Variants in KIRREL3 observed in about 807,000 individuals in gnomAD.
The protein encoded by KIRREL3 is kirre like nephrin family adhesion molecule 3.
In KIRREL3, 36 loss-of-function variants were observed where a neutral mutation model predicts 89.7. That is an observed-to-expected ratio of 0.40 (90% confidence interval 0.31 to 0.53). The LOEUF (loss-of-function observed/expected upper bound fraction) is 0.53. Ranked by LOEUF, KIRREL3 falls within the 20% of genes least tolerant of loss-of-function variation. The probability of loss-of-function intolerance (pLI) is 0.49; values close to 1 mark genes in which losing one functional copy is unlikely to be tolerated. For synonymous variants in KIRREL3, 445 were observed against 441.4 expected (o/e 1.01, Z -0.10); for missense variants, 864 against 1,056.6 (o/e 0.82, Z 2.53).
Position 126,771,771 on chromosome 11 carries a change from C to T in KIRREL3, c.56-208859G>A, listed in dbSNP as rs1007149855. ...TCAACCAACATCTTTATTAAAAAAA[C>T]GTTTTCATGTGAAGCCACAGATTTG... On this transcript the variant is annotated intron_variant, in intron 1 of 16. Coordinates refer to ENST00000525144, the MANE Select transcript of KIRREL3 (RefSeq NM_032531.4). This position sits in a 1 kb window ranked among gnomAD's most constrained non-coding sequence, Gnocchi z 4.4. Among the ~76,000 whole-genome samples, 8 of 152,154 alleles carry T rather than the reference C, an allele frequency of 5.3e-5. No homozygotes were observed. Among genetic ancestry groups the T allele is most frequent in the African/African-American group, 1.7e-4 (7 of 41,440 alleles).
In KIRREL3 at chr11:126,987,796, C is replaced by T. The variant is rs980233439; in HGVS notation, c.55+12659G>A. On this transcript the variant is annotated intron_variant, in intron 1 of 16. Coordinates refer to ENST00000525144, the MANE Select transcript of KIRREL3 (RefSeq NM_032531.4). This position sits in a 1 kb window ranked among gnomAD's most constrained non-coding sequence, Gnocchi z 4.6. ...AGCTTTGAAAACGTCAAAGAACTTTCATGTTTTGCTAGTTTATCATAAGTG... is the reference window on the plus strand; with the variant it reads ...AGCTTTGAAAACGTCAAAGAACTTTTATGTTTTGCTAGTTTATCATAAGTG... 6.6e-6 allele frequency among the ~76,000 whole-genome samples: 1 copy of T among 152,206 alleles called. No individual in the cohort carries two copies. Among genetic ancestry groups the T allele is most frequent in the Admixed American group, 6.5e-5 (1 of 15,282 alleles).
intron 1 of KIRREL3, among the ~76,000 whole-genome samples, chr11:126,617,396 T>A (rs1466600483): frequency 2.0e-5 from 3 of 152,220 alleles, no homozygotes; most frequent in Non-Finnish European, 2.9e-5. Context: ...AGGTCATGGG[T>A]AAACTGATAA....
intron 1 of KIRREL3, among the ~76,000 whole-genome samples, chr11:126,937,754 C>T (rs989034078): frequency 2.0e-5 from 3 of 152,120 alleles, no homozygotes; most frequent in African/African-American, 7.2e-5. Flanking sequence ...AAAAAATCAG[C>T]CGGGCGTGGT....
intron 1 of KIRREL3, among the ~76,000 whole-genome samples, chr11:126,733,960 G>T (rs538319677): frequency 6.6e-6 from 1 of 152,336 alleles, no homozygotes; most frequent in African/African-American, 2.4e-5. Flanking sequence ...CCTGCTGCAG[G>T]CACAGAGTGA....
chr11:126,819,205 C>T (rs1879450), intron 1 of KIRREL3, among the ~76,000 whole-genome samples: 40,249 of 151,948 alleles, frequency 0.26, 5,441 homozygotes, highest in Admixed American at 0.32. Context: ...CCTGAGGCGA[C>T]GGTCCGGTCA....
rs374901418 is a variant in KIRREL3, at chr11:126,961,322, G to A, written c.55+39133C>T. Among the ~76,000 whole-genome samples, 4 of 152,256 alleles carry A rather than the reference G, an allele frequency of 2.6e-5. No homozygotes were observed. The East Asian group carries it at 5.8e-4, about 22-fold the overall frequency. On this transcript the variant is annotated intron_variant, in intron 1 of 16. Transcript: ENST00000525144. ...TAGTCAGCCAAGTTGTGAATGCAATGGAAAAGCTCTTGAAGTAAATTAAAA... is the reference window on the plus strand; with the variant it reads ...TAGTCAGCCAAGTTGTGAATGCAATAGAAAAGCTCTTGAAGTAAATTAAAA...
chr11:126,585,268 C>G (rs1377734014), intron 1 of KIRREL3, among the ~76,000 whole-genome samples: 3 of 129,564 alleles, frequency 2.3e-5, no homozygotes, highest in African/African-American at 9.4e-5. Context: ...CTCTGTTAGC[C>G]AGGCTGGGGT....
At position 126,491,294 on chromosome 11, in the gene KIRREL3, T is replaced by G. The variant is rs756503693; in HGVS notation, c.434-17828A>C. Among the ~76,000 whole-genome samples, 1 of 152,190 alleles carries G rather than the reference T, an allele frequency of 6.6e-6. No homozygotes were observed. Among genetic ancestry groups the G allele is most frequent in the African/African-American group, 2.4e-5 (1 of 41,446 alleles). On this transcript the variant is annotated intron_variant, in intron 4 of 16. Coordinates refer to ENST00000525144, the MANE Select transcript of KIRREL3 (RefSeq NM_032531.4). This position sits in a 1 kb window ranked among gnomAD's most constrained non-coding sequence, Gnocchi z 5.5. ...CTGAAACTCTGCTCAGGTGTCCGAATGTAATGTGAGCCCAAGGAGGGCGGG... is the reference window on the plus strand; with the variant it reads ...CTGAAACTCTGCTCAGGTGTCCGAAGGTAATGTGAGCCCAAGGAGGGCGGG...
rs1318893178 is a variant in KIRREL3 at position 126,568,538 on chromosome 11, A to G, written c.56-5626T>C. ...GACAGTGCCTGAGATCATCTGGAGG[A>G]GACACCAGCTGGGTTTGGTTGGACT... On this transcript the variant is annotated intron_variant, in intron 1 of 16. Coordinates refer to ENST00000525144, the MANE Select transcript of KIRREL3 (RefSeq NM_032531.4). This position sits in a 1 kb window ranked among gnomAD's most constrained non-coding sequence, Gnocchi z 4.6. 1.3e-5 allele frequency among the ~76,000 whole-genome samples: 2 copies of G among 152,150 alleles called. No individual in the cohort carries two copies. The highest frequency in any genetic ancestry group is 2.9e-5 in the Non-Finnish European group (2 of 68,024).
In KIRREL3 at chr11:126,623,085, C is replaced by G. The variant is rs986226495; in HGVS notation, c.56-60173G>C. 2.0e-5 allele frequency among the ~76,000 whole-genome samples: 3 copies of G among 152,164 alleles called. No individual in the cohort carries two copies. The highest frequency in any genetic ancestry group is 4.4e-5 in the Non-Finnish European group (3 of 68,032). ...TTACAAAGCGTTATCCACTAGTTAT[C>G]TCACTGATTTTCCCAAGAGACTTTG... On this transcript the variant is annotated intron_variant, in intron 1 of 16. Coordinates refer to ENST00000525144, the MANE Select transcript of KIRREL3 (RefSeq NM_032531.4). The surrounding 1 kb of genome is among the most constrained non-coding windows in gnomAD (Gnocchi z 4.1).
At chr11:126,500,475 C>G (rs1191048948) in intron 4 of KIRREL3, among the ~76,000 whole-genome samples, 1 of 152,200 alleles carries the variant, frequency 6.6e-6, no homozygotes, top group Non-Finnish European at 1.5e-5. Flanking sequence ...CACAGTGGCT[C>G]ATGCCTGTAA....
At position 126,697,497 on chromosome 11, in the gene KIRREL3, G is replaced by A. The variant is rs1162672191; in HGVS notation, c.56-134585C>T. ...GCTGGTTCTACTCTACCTTTCCAGG[G>A]CTAAGTCCTACGACTGTGACACAAC... On this transcript the variant is annotated intron_variant, in intron 1 of 16. Transcript: ENST00000525144. The surrounding 1 kb of genome is among the most constrained non-coding windows in gnomAD (Gnocchi z 4.2). Among the ~76,000 whole-genome samples the A allele has an allele frequency of 6.6e-6, 1 of 152,220 alleles. No homozygotes were observed. The highest frequency in any genetic ancestry group is 2.4e-5 in the African/African-American group (1 of 41,456).
In KIRREL3 at chr11:126,607,218, C is replaced by A. The variant is rs1942926840; in HGVS notation, c.56-44306G>T. On this transcript the variant is annotated intron_variant, in intron 1 of 16. Transcript: ENST00000525144. The surrounding 1 kb of genome is among the most constrained non-coding windows in gnomAD (Gnocchi z 6.6). ...TAAACCCAGGGAAACGATGGAGTAG[C>A]TGAGCCGAGATTGGCTCACCTCCTT... Among the ~76,000 whole-genome samples, 1 of 152,198 alleles carries A rather than the reference C, an allele frequency of 6.6e-6. No homozygotes were observed. Among genetic ancestry groups the A allele is most frequent in the Admixed American group, 6.5e-5 (1 of 15,282 alleles).
rs1944942813 is a variant in KIRREL3 at position 126,652,417 on chromosome 11, T to C, written c.56-89505A>G. Among the ~76,000 whole-genome samples the C allele has an allele frequency of 2.0e-5, 3 of 152,210 alleles. No homozygotes were observed. The highest frequency in any genetic ancestry group is 4.8e-5 in the African/African-American group (2 of 41,464). ...ATCGTGGTAGGAACAAGAGCTACCATGCCTTGAGCCCATTCTAAATGGTAG... is the reference window on the plus strand; with the variant it reads ...ATCGTGGTAGGAACAAGAGCTACCACGCCTTGAGCCCATTCTAAATGGTAG... On this transcript the variant is annotated intron_variant, in intron 1 of 16. Coordinates refer to ENST00000525144, the MANE Select transcript of KIRREL3 (RefSeq NM_032531.4). This position sits in a 1 kb window ranked among gnomAD's most constrained non-coding sequence, Gnocchi z 4.9.
intron 13 of KIRREL3, among the ~76,000 whole-genome samples, chr11:126,434,975 A>G (rs1955262634): frequency 6.6e-6 from 1 of 152,082 alleles, no homozygotes; most frequent in South Asian, 2.1e-4. Flanking sequence ...GGGCTCCTGA[A>G]GAGAAAGGAT....
rs957039022 is a variant in KIRREL3, at chr11:126,601,132, C to G, written c.56-38220G>C. ...CAAAGCACAGAGCAATCTTTCCAAT[C>G]TAGGAAGCAATAAAGAAATGTATTT... On this transcript the variant is annotated intron_variant, in intron 1 of 16. Coordinates refer to ENST00000525144, the MANE Select transcript of KIRREL3 (RefSeq NM_032531.4). The surrounding 1 kb of genome is among the most constrained non-coding windows in gnomAD (Gnocchi z 5.8). Among the ~76,000 whole-genome samples the G allele has an allele frequency of 4.6e-5, 7 of 152,062 alleles. No individual in the cohort carries two copies. The highest frequency in any genetic ancestry group is 1.0e-4 in the Non-Finnish European group (7 of 68,014).
At position 126,897,712 on chromosome 11, in the gene KIRREL3, CCA is replaced by C. The variant is rs1288713681; in HGVS notation, c.55+102741_55+102742del. Among the ~76,000 whole-genome samples, 2 of 152,226 alleles carry C rather than the reference CCA, an allele frequency of 1.3e-5. No homozygotes were observed. The highest frequency in any genetic ancestry group is 4.8e-5 in the African/African-American group (2 of 41,464). ...AATCTTTTCCACTTTGATTTCATCT[CCA>C]GTTTCGGACGAGCAGCAGTACAACA... On this transcript the variant is annotated intron_variant, in intron 1 of 16. Transcript: ENST00000525144. The surrounding 1 kb of genome is among the most constrained non-coding windows in gnomAD (Gnocchi z 4.2).
intron 1 of KIRREL3, among the ~76,000 whole-genome samples, chr11:126,829,244 C>G (rs1018713814): frequency 2.6e-5 from 4 of 152,172 alleles, no homozygotes; most frequent in African/African-American, 9.7e-5. Flanking sequence ...GGTGGATCAA[C>G]AGGATCTGTC....
Position 126,463,191 on chromosome 11 carries a change from T to A in KIRREL3, c.708A>T (p.Gly236=). 1 of 1,613,802 alleles carries A rather than the reference T, an allele frequency of 6.2e-7. No homozygotes were observed. Among genetic ancestry groups the A allele is most frequent in the Non-Finnish European group, 8.5e-7 (1 of 1,179,854 alleles). ...VCRATNKAIP[G]GKETSVTIDI... ...CAATGGTGACCGACGTCTCCTTTCC[T>A]CCGGGGATGGCTTTGTTGGTGGCAC... The change falls in exon 6 of 17, where the codon GGA becomes GGT. Residue 236 remains glycine (G), a synonymous_variant. Transcript: ENST00000525144. The surrounding 1 kb of genome is among the most constrained non-coding windows in gnomAD (Gnocchi z 5.9).
Sources: gnomAD v4.1 joint callset for allele counts (sites outside exome capture counted in the v4.1 genomes callset) on GRCh38, gnomAD v4.1.1 for gene constraint, Gnocchi (gnomAD v3.1) non-coding constraint, MANE v1.5 for transcripts, NCBI Gene and HGNC (gene_info 2026-07-23, HGNC 2026-07-21) for gene names.